PKHD1: variants seen among roughly 807,000 people sequenced by gnomAD.
PKHD1 encodes fibrocystin.
In PKHD1, 291 loss-of-function variants were observed where a neutral mutation model predicts 412.0. That is an observed-to-expected ratio of 0.71 (90% CI 0.64 to 0.78). PKHD1 has a LOEUF of 0.78. Ranked by LOEUF, PKHD1 falls within the 30% of genes least tolerant of loss-of-function variation. The probability of loss-of-function intolerance (pLI) is 0.00; values close to 1 mark genes in which losing one functional copy is unlikely to be tolerated. For missense variants in PKHD1, 4,825 were observed against 4,950.7 expected (o/e 0.97, Z 0.76); for synonymous variants, 1,777 against 1,821.5 (o/e 0.98, Z 0.62).
At chr6:51,897,760 AG>A (rs1333408371) in intron 43 of PKHD1, among the ~76,000 whole-genome samples, 2 of 144,212 alleles carry the variant, frequency 1.4e-5, no homozygotes, top group African/African-American at 5.3e-5. Flanking sequence ...TGCTGTATTC[AG>A]GAAACCCATC....
At chr6:51,725,478 G>GA (rs1431777991) in intron 60 of PKHD1, among the ~76,000 whole-genome samples, 1 of 152,026 alleles carries the variant, frequency 6.6e-6, no homozygotes, top group Admixed American at 6.6e-5. Flanking sequence ...ATTTTATTTG[G>GA]AAAAATGGAG....
chr6:51,764,906 C>T (rs1436341535), intron 55 of PKHD1, among the ~76,000 whole-genome samples: 2 of 152,014 alleles, frequency 1.3e-5, no homozygotes, highest in Non-Finnish European at 2.9e-5. Flanking sequence ...GTTAGAATGC[C>T]CCCAATCTCA....
At chr6:51,818,705 C>T (rs1203657574) in intron 52 of PKHD1, among the ~76,000 whole-genome samples, 1 of 152,162 alleles carries the variant, frequency 6.6e-6, no homozygotes, top group East Asian at 1.9e-4. Context: ...GTAGAAGTGG[C>T]CACGTGGCTA....
rs35445653 is a variant in PKHD1 at position 51,748,039 on chromosome 6, C to T, written c.9577G>A (p.Val3193Ile). The part of the protein sequence containing the change: ...VYVFSAPQNS[V>I]KKVQIVLRNS... Reference sequence around the variant, plus strand: ...CTAAGCACAATCTGCACTTTTTTGACGGAATTTTGTGGAGCAGAAAATACA... The same window carrying T: ...CTAAGCACAATCTGCACTTTTTTGATGGAATTTTGTGGAGCAGAAAATACA... Residue 3193 changes from valine (V) to isoleucine (I), a missense_variant, in exon 58 of 67, where the codon GTC becomes ATC. Transcript: ENST00000371117. 5,358 of 1,614,004 alleles carry T rather than the reference C, an allele frequency of 3.3e-3. 136 individuals carry two copies. The African/African-American group carries it at 0.058, about 17-fold the overall frequency.
At chr6:52,063,864 A>G (rs1037778843) in intron 13 of PKHD1, among the ~76,000 whole-genome samples, 1 of 152,264 alleles carries the variant, frequency 6.6e-6, no homozygotes. Flanking sequence ...AGCCCTTCAT[A>G]AAGGACAACA....
At chr6:52,000,965 C>T (rs986128242) in intron 35 of PKHD1, among the ~76,000 whole-genome samples, 1 of 152,146 alleles carries the variant, frequency 6.6e-6, no homozygotes. Flanking sequence ...TGAATTCCCT[C>T]TTTTTTTCCA....
chr6:51,842,343 G>C lies in PKHD1; in HGVS notation c.8107+5432C>G, dbSNP rs1582985353. On this transcript the variant is annotated intron_variant, in intron 50 of 66. Transcript: ENST00000371117. Reference sequence around the variant, plus strand: ...TATCACCGGCTGCTGGTCGGGAGGGGGATCAAGCTAGGGGAAGGGGCTGTG... The same window carrying C: ...TATCACCGGCTGCTGGTCGGGAGGGCGATCAAGCTAGGGGAAGGGGCTGTG... Among the ~76,000 whole-genome samples the C allele has an allele frequency of 2.6e-5, 4 of 152,226 alleles. No homozygotes were observed. The South Asian group carries it at 8.3e-4, about 32-fold the overall frequency.
intron 36 of PKHD1, among the ~76,000 whole-genome samples, chr6:51,952,069 C>T (rs953269333): frequency 1.3e-5 from 2 of 152,264 alleles, no homozygotes; most frequent in South Asian, 4.1e-4. Context: ...ATCTATCTAT[C>T]TGTCTGTCTG....
At chr6:51,771,321 A>G (rs1582592815) in intron 55 of PKHD1, among the ~76,000 whole-genome samples, 2 of 152,108 alleles carry the variant, frequency 1.3e-5, no homozygotes, top group African/African-American at 4.8e-5. Context: ...TACAAGAACA[A>G]TTATTAGAAT....
At chr6:51,682,392 A>G in intron 60 of PKHD1, 1 of 341,990 alleles carries the variant, frequency 2.9e-6, no homozygotes. Flanking sequence ...GAATCTCTTC[A>G]AATTTGCCTT....
chr6:52,016,362 A>G (rs1310443298), intron 34 of PKHD1, among the ~76,000 whole-genome samples: 1 of 152,118 alleles, frequency 6.6e-6, no homozygotes, highest in South Asian at 2.1e-4. Flanking sequence ...GAGGCGGGGC[A>G]CGGTGGCTCA....
rs1159327702 is a variant in PKHD1 at position 51,906,345 on chromosome 6, A to G, written c.6683-5T>C. 6.2e-7 allele frequency: 1 copy of G among 1,610,344 alleles called. No homozygotes were observed. The highest frequency in any genetic ancestry group is 1.1e-5 in the South Asian group (1 of 91,012). Reference sequence around the variant, plus strand: ...TGCAGCCCTGTATGAAAGACTCTGAATAGGAAAGAGTAAAGTAAAAATTAG... The same window carrying G: ...TGCAGCCCTGTATGAAAGACTCTGAGTAGGAAAGAGTAAAGTAAAAATTAG... On this transcript the variant is annotated splice_polypyrimidine_tract_variant and splice_region_variant and intron_variant, in intron 40 of 66. Transcript: ENST00000371117.
At chr6:51,665,953 T>C (rs896114764) in intron 60 of PKHD1, among the ~76,000 whole-genome samples, 6 of 151,866 alleles carry the variant, frequency 4.0e-5, no homozygotes, top group African/African-American at 1.5e-4. Context: ...GGGTGGGAGA[T>C]TGAAGGCACT....
intron 55 of PKHD1, among the ~76,000 whole-genome samples, chr6:51,771,546 G>A (rs1450662224): frequency 6.6e-6 from 1 of 151,688 alleles, no homozygotes; most frequent in African/African-American, 2.4e-5. Flanking sequence ...TTGAACCCAG[G>A]AGGTGGAGAT....
chr6:51,867,921 C>T lies in PKHD1; in HGVS notation c.7675G>A (p.Val2559Ile), dbSNP rs150046042. ...SCLVNSSFGR[V>I]VHGSACGGGV... The stretch of plus-strand genomic sequence containing the variant: ...CCTCCACAGGCACTGCCATGGACAA[C>T]CCGACCAAAGCTTGAATTGACCAAA... Residue 2559 changes from valine to isoleucine, a missense_variant, in exon 48 of 67, where the codon GTT becomes ATT. By Grantham distance (29) the Val-to-Ile change is conservative. Transcript: ENST00000371117. The T allele has an allele frequency of 1.2e-6, 2 of 1,612,996 alleles. No homozygotes were observed. Among genetic ancestry groups the T allele is most frequent in the Non-Finnish European group, 1.7e-6 (2 of 1,179,220 alleles).
chr6:51,904,276 G>A (rs955527936), intron 41 of PKHD1, among the ~76,000 whole-genome samples: 3 of 151,782 alleles, frequency 2.0e-5, no homozygotes, highest in Non-Finnish European at 4.4e-5. Flanking sequence ...TACTTTTGAG[G>A]AGGAGTCTAA....
At chr6:51,767,615 T>C (rs1252448341) in intron 55 of PKHD1, among the ~76,000 whole-genome samples, 3 of 152,122 alleles carry the variant, frequency 2.0e-5, no homozygotes, top group African/African-American at 4.8e-5. Context: ...TGGTTTCCAG[T>C]TTCATCCATG....
chr6:52,061,952 A>G (rs1808746081), intron 14 of PKHD1, among the ~76,000 whole-genome samples: 1 of 152,180 alleles, frequency 6.6e-6, no homozygotes, highest in African/African-American at 2.4e-5. Context: ...AAGGGACTAA[A>G]AAGACTAAAG....
chr6:51,935,116 C>T (rs928996146), intron 36 of PKHD1, among the ~76,000 whole-genome samples: 7 of 152,130 alleles, frequency 4.6e-5, no homozygotes, highest in Non-Finnish European at 8.8e-5. Context: ...TTTCAGACTG[C>T]TTTCCACTGA....
Sources: allele counts gnomAD v4.1 joint callset (sites outside exome capture counted in the v4.1 genomes callset), GRCh38; gene constraint gnomAD v4.1.1; transcripts MANE v1.5; gene names NCBI Gene and HGNC (gene_info 2026-07-23, HGNC 2026-07-21).